Variants in NPAS3 observed in about 807,000 individuals in gnomAD.
NPAS3 encodes the protein neuronal PAS domain-containing protein 3.
Under a neutral mutation model 73.1 loss-of-function variants are expected in NPAS3, and 14 were observed. That is an observed-to-expected ratio of 0.19 (90% CI 0.13 to 0.30). NPAS3 has a LOEUF of 0.30. Among genes scored for constraint, NPAS3 ranks in the 10% least tolerant of loss-of-function variants. The pLI, the probability that NPAS3 is intolerant of heterozygous loss-of-function variation, is 1.00. For missense variants in NPAS3, 1,096 were observed against 1,250.0 expected (o/e 0.88, Z 1.86); for synonymous variants, 620 against 541.5 (o/e 1.14, Z -2.01).
intron 2 of NPAS3, among the ~76,000 whole-genome samples, chr14:33,155,263 T>G (rs1426456405): frequency 6.6e-6 from 1 of 152,238 alleles, no homozygotes; most frequent in Non-Finnish European, 1.5e-5. Flanking sequence ...ATGGGAGAAT[T>G]ATTTAGAGCC....
At chr14:33,126,851 T>C (rs2043446182) in intron 2 of NPAS3, among the ~76,000 whole-genome samples, 1 of 152,206 alleles carries the variant, frequency 6.6e-6, no homozygotes, top group Non-Finnish European at 1.5e-5. Flanking sequence ...TGGGCACATA[T>C]ACCTAAACAT....
At chr14:33,411,169 C>G (rs1192715423) in intron 4 of NPAS3, among the ~76,000 whole-genome samples, 1 of 152,074 alleles carries the variant, frequency 6.6e-6, no homozygotes, top group Non-Finnish European at 1.5e-5. Context: ...TTGGCAATGT[C>G]TGGAGGCTTT....
At chr14:33,171,040 A>G (rs1168558275) in intron 2 of NPAS3, among the ~76,000 whole-genome samples, 1 of 152,208 alleles carries the variant, frequency 6.6e-6, no homozygotes, top group African/African-American at 2.4e-5. Flanking sequence ...TATGAAATGC[A>G]TTTTTTAAGT....
At chr14:33,078,430 C>G (rs1398817208) in intron 2 of NPAS3, among the ~76,000 whole-genome samples, 2 of 151,876 alleles carry the variant, frequency 1.3e-5, no homozygotes, top group East Asian at 3.9e-4. Flanking sequence ...AAGATTCCTC[C>G]CCTGGAGAGG....
Position 33,800,500 on chromosome 14 carries a change from C to T in NPAS3, c.2193C>T (p.Phe731=), listed in dbSNP as rs1304639278. 3.2e-5 allele frequency: 46 copies of T among 1,441,202 alleles called. No individual in the cohort carries two copies. Among genetic ancestry groups the T allele is most frequent in the Non-Finnish European group, 3.9e-5 (43 of 1,104,984 alleles). 89.3% of individuals were successfully genotyped at this position (1,441,202 alleles called of 1,614,324 possible). The change falls in exon 12 of 12, where the codon TTC becomes TTT. Residue 731 remains phenylalanine (F), a synonymous_variant. Coordinates refer to ENST00000356141, the Ensembl canonical transcript of NPAS3. This position sits in a 1 kb window ranked among gnomAD's most constrained non-coding sequence, Gnocchi z 6.5. ...GCGCGGCCGCCCGCAAGACTCAGTT[C>T]GGCGCCTCGGCCACCGCGGCCCTGG...
chr14:33,175,143 T>G (rs2045540835), intron 2 of NPAS3, among the ~76,000 whole-genome samples: 1 of 152,206 alleles, frequency 6.6e-6, no homozygotes, highest in Non-Finnish European at 1.5e-5. Flanking sequence ...TCAGTTGATG[T>G]GTTTGAAAAA....
intron 5 of NPAS3, among the ~76,000 whole-genome samples, chr14:33,568,060 A>G (rs2056048356): frequency 6.6e-6 from 1 of 152,186 alleles, no homozygotes; most frequent in Non-Finnish European, 1.5e-5. Flanking sequence ...ACTTAAAGTG[A>G]GCAAGACAAA....
intron 4 of NPAS3, among the ~76,000 whole-genome samples, chr14:33,530,392 C>T (rs1056091128): frequency 6.6e-6 from 1 of 152,172 alleles, no homozygotes; most frequent in Non-Finnish European, 1.5e-5. Flanking sequence ...AAAGCAAGGG[C>T]ATTGAAGCAA....
At chr14:33,375,334 A>G (rs892280654) in intron 4 of NPAS3, among the ~76,000 whole-genome samples, 1 of 152,332 alleles carries the variant, frequency 6.6e-6, no homozygotes, top group African/African-American at 2.4e-5. Context: ...ATTTTTCATT[A>G]CAAACTGGAG....
chr14:33,309,198 A>G (rs1279558003), intron 3 of NPAS3, among the ~76,000 whole-genome samples: 1 of 152,078 alleles, frequency 6.6e-6, no homozygotes, highest in Non-Finnish European at 1.5e-5. Flanking sequence ...TTCCTTTTTT[A>G]TATTTTCTGA....
At chr14:33,152,649 C>T (rs2044492032) in intron 2 of NPAS3, among the ~76,000 whole-genome samples, 1 of 152,030 alleles carries the variant, frequency 6.6e-6, no homozygotes, top group East Asian at 1.9e-4. Flanking sequence ...ATAATTTTAC[C>T]TCGGAATTTG....
chr14:33,454,276 G>T (rs904553096), intron 4 of NPAS3, among the ~76,000 whole-genome samples: 2 of 152,178 alleles, frequency 1.3e-5, no homozygotes, highest in Non-Finnish European at 2.9e-5. Flanking sequence ...AGGAATGCAT[G>T]ATTATTTTAA....
chr14:33,639,168 A>C (rs908218483), intron 5 of NPAS3, among the ~76,000 whole-genome samples: 2 of 152,222 alleles, frequency 1.3e-5, no homozygotes, highest in Non-Finnish European at 2.9e-5. Context: ...TTACCACTCT[A>C]GGTTTAAGAT....
intron 4 of NPAS3, among the ~76,000 whole-genome samples, chr14:33,545,048 G>T (rs1306057247): frequency 2.0e-5 from 3 of 150,586 alleles, no homozygotes; most frequent in East Asian, 2.0e-4. Context: ...TCCTTAATTT[G>T]TCTCTTTCCA....
intron 5 of NPAS3, among the ~76,000 whole-genome samples, chr14:33,640,299 CA>C (rs1363817428): frequency 6.6e-6 from 1 of 152,130 alleles, no homozygotes; most frequent in Non-Finnish European, 1.5e-5. Flanking sequence ...ATCTCTCAGG[CA>C]AATCAGATTT....
At chr14:33,668,208 G>A (rs966923113) in intron 5 of NPAS3, among the ~76,000 whole-genome samples, 25 of 151,928 alleles carry the variant, frequency 1.6e-4, no homozygotes, top group East Asian at 7.7e-4. Context: ...GTTTTTTCGC[G>A]CAACAGTATC....
intron 4 of NPAS3, among the ~76,000 whole-genome samples, chr14:33,510,783 TA>T (rs1373992808): frequency 6.6e-5 from 10 of 152,066 alleles, no homozygotes; most frequent in Admixed American, 1.3e-4. Flanking sequence ...ATGCATGGTG[TA>T]GGTTTGTAGA....
chr14:33,450,524 A>C (rs2049743296), intron 4 of NPAS3, among the ~76,000 whole-genome samples: 2 of 152,202 alleles, frequency 1.3e-5, no homozygotes, highest in Admixed American at 1.3e-4. Flanking sequence ...ATCTGAGTCT[A>C]GATGATATGT....
intron 5 of NPAS3, among the ~76,000 whole-genome samples, chr14:33,661,791 C>G (rs906705574): frequency 2.0e-5 from 3 of 152,054 alleles, no homozygotes; most frequent in African/African-American, 7.3e-5. Context: ...TTAAACCATT[C>G]ATTGAAATTC....
Sources: allele counts gnomAD v4.1 joint callset (sites outside exome capture counted in the v4.1 genomes callset), GRCh38; gene constraint gnomAD v4.1.1; non-coding constraint Gnocchi (gnomAD v3.1); transcripts MANE v1.5; gene names NCBI Gene and HGNC (gene_info 2026-07-23, HGNC 2026-07-21).